CLSTN2: variants seen among roughly 807,000 people sequenced by gnomAD.
CLSTN2 encodes calsyntenin 2, also known as calsyntenin-2.
A neutral mutation model predicts 101.2 loss-of-function variants in CLSTN2; 48 were observed. That is an observed-to-expected ratio of 0.47 (90% CI 0.38 to 0.60). The LOEUF is 0.60. CLSTN2 is among the 20% of genes least tolerant of loss of function. CLSTN2 has a pLI of 0.00. For missense variants in CLSTN2, 1,160 were observed against 1,238.2 expected (o/e 0.94, Z 0.95); for synonymous variants, 481 against 463.6 (o/e 1.04, Z -0.48).
At chr3:140,408,156 A>G (rs562337616) in intron 4 of CLSTN2, among the ~76,000 whole-genome samples, 2 of 152,310 alleles carry the variant, frequency 1.3e-5, no homozygotes, top group South Asian at 2.1e-4. Context: ...TCTTGCATGC[A>G]TCATCCCATC....
intron 1 of CLSTN2, among the ~76,000 whole-genome samples, chr3:140,011,906 T>C (rs563603168): frequency 6.6e-6 from 1 of 152,010 alleles, no homozygotes; most frequent in African/African-American, 2.4e-5. Flanking sequence ...TGCCGAATGG[T>C]CCTAGTCAGG....
intron 4 of CLSTN2, among the ~76,000 whole-genome samples, chr3:140,420,208 G>T (rs1302302862): frequency 5.3e-5 from 8 of 149,824 alleles, no homozygotes; most frequent in East Asian, 2.0e-4. Context: ...TTGTTCATTT[G>T]TTTTTTAATT....
intron 8 of CLSTN2, among the ~76,000 whole-genome samples, chr3:140,522,371 A>AGTGGCCTGAGGCCGT: frequency 6.6e-6 from 1 of 152,326 alleles, no homozygotes; most frequent in East Asian, 1.9e-4. Context: ...TGTTTAAATT[A>AGTGGCCTGAGGCCGT]GTGGCCTGAG....
intron 2 of CLSTN2, among the ~76,000 whole-genome samples, chr3:140,230,661 G>A (rs542243921): frequency 2.6e-5 from 4 of 152,224 alleles, no homozygotes; most frequent in South Asian, 2.1e-4. Flanking sequence ...AAAATCTGCC[G>A]GTGCTTTAAT....
chr3:140,565,628 GCACA>G (rs1936011045), intron 16 of CLSTN2, among the ~76,000 whole-genome samples: 1 of 152,158 alleles, frequency 6.6e-6, no homozygotes, highest in Admixed American at 6.5e-5. Context: ...GACATTGCAT[GCACA>G]CTTGGAAAAG....
intron 2 of CLSTN2, among the ~76,000 whole-genome samples, chr3:140,176,305 TTTC>T (rs1288922326): frequency 3.3e-5 from 5 of 152,172 alleles, no homozygotes; most frequent in African/African-American, 7.2e-5. Flanking sequence ...AAGACCCTTG[TTTC>T]TTCTTCTTCT....
chr3:140,083,903 A>C (rs2008638427), intron 1 of CLSTN2, among the ~76,000 whole-genome samples: 1 of 152,204 alleles, frequency 6.6e-6, no homozygotes, highest in Non-Finnish European at 1.5e-5. Flanking sequence ...TCTTTTAAAA[A>C]ACAGTAAACT....
At chr3:139,948,103 C>T (rs957770038) in intron 1 of CLSTN2, among the ~76,000 whole-genome samples, 1 of 152,138 alleles carries the variant, frequency 6.6e-6, no homozygotes, top group Non-Finnish European at 1.5e-5. Context: ...TCACTCTTCC[C>T]TTATCTTGCC....
At chr3:140,166,466 G>A (rs1033768451) in intron 1 of CLSTN2, among the ~76,000 whole-genome samples, 1 of 152,222 alleles carries the variant, frequency 6.6e-6, no homozygotes, top group African/African-American at 2.4e-5. Flanking sequence ...TCAGGGAGCA[G>A]TATTGGAGTT....
At chr3:140,318,112 G>A (rs1260480680) in intron 2 of CLSTN2, among the ~76,000 whole-genome samples, 1 of 152,182 alleles carries the variant, frequency 6.6e-6, no homozygotes, top group Non-Finnish European at 1.5e-5. Flanking sequence ...TGTAAATGAT[G>A]GAGCCACGGT....
At chr3:139,972,946 A>T (rs1260738680) in intron 1 of CLSTN2, among the ~76,000 whole-genome samples, 1 of 152,228 alleles carries the variant, frequency 6.6e-6, no homozygotes, top group Admixed American at 6.5e-5. Context: ...ATGTGCCTCT[A>T]TTACACATTA....
At chr3:140,386,376 T>A (rs1327102978) in intron 2 of CLSTN2, among the ~76,000 whole-genome samples, 3 of 152,192 alleles carry the variant, frequency 2.0e-5, no homozygotes, top group Non-Finnish European at 4.4e-5. Context: ...CGGTTCATGC[T>A]GAGGTCCAAT....
intron 1 of CLSTN2, among the ~76,000 whole-genome samples, chr3:140,060,659 C>G (rs937270948): frequency 5.9e-5 from 9 of 152,118 alleles, no homozygotes; most frequent in African/African-American, 2.2e-4. Context: ...TTAGAGCCAG[C>G]CCTGTAATGT....
At chr3:140,446,573 T>G (rs1454258554) in intron 5 of CLSTN2, among the ~76,000 whole-genome samples, 1 of 152,184 alleles carries the variant, frequency 6.6e-6, no homozygotes, top group Non-Finnish European at 1.5e-5. Context: ...CTGCATGCTA[T>G]GTACACATTT....
intron 2 of CLSTN2, among the ~76,000 whole-genome samples, chr3:140,224,837 T>C (rs2107855369): frequency 6.6e-6 from 1 of 152,282 alleles, no homozygotes; most frequent in East Asian, 1.9e-4. Context: ...TTGACCTATG[T>C]TCTGAGAAAC....
intron 1 of CLSTN2, among the ~76,000 whole-genome samples, chr3:139,942,684 C>G (rs1376159269): frequency 5.9e-5 from 9 of 152,110 alleles, no homozygotes; most frequent in Admixed American, 5.2e-4. Flanking sequence ...TCAGATACCC[C>G]TCTTACACAT....
chr3:140,096,238 C>T (rs1452740378), intron 1 of CLSTN2, among the ~76,000 whole-genome samples: 1 of 152,136 alleles, frequency 6.6e-6, no homozygotes, highest in Non-Finnish European at 1.5e-5. Flanking sequence ...CAGCAGAGGG[C>T]ATAACTAATA....
intron 1 of CLSTN2, among the ~76,000 whole-genome samples, chr3:140,137,700 G>A (rs2009635939): frequency 6.6e-6 from 1 of 152,160 alleles, no homozygotes; most frequent in South Asian, 2.1e-4. Flanking sequence ...TTTACATAAT[G>A]CTTTGCCGTT....
At chr3:140,452,482 T>C (rs891936511) in intron 6 of CLSTN2, 1 of 152,274 alleles carries the variant, frequency 6.6e-6, no homozygotes, top group Non-Finnish European at 1.5e-5. Context: ...GAGTCTCCTC[T>C]GTGATGCTGT....
Sources: allele counts gnomAD v4.1 joint callset (sites outside exome capture counted in the v4.1 genomes callset), GRCh38; gene constraint gnomAD v4.1.1; transcripts MANE v1.5; gene names NCBI Gene and HGNC (gene_info 2026-07-23, HGNC 2026-07-21).